CNIH3: variants seen among roughly 807,000 people sequenced by gnomAD.
CNIH3 encodes protein cornichon homolog 3.
Under a neutral mutation model 24.1 loss-of-function variants are expected in CNIH3, and 14 were observed. The observed-to-expected ratio is 0.58, with a 90% CI of 0.38 to 0.91. The LOEUF (loss-of-function observed/expected upper bound fraction) is 0.91, where lower values mean the gene tolerates loss of function less well. Among genes scored for constraint, CNIH3 ranks in the 40% least tolerant of loss-of-function variants. The pLI, the probability that CNIH3 is intolerant of heterozygous loss-of-function variation, is 0.00. For missense variants in CNIH3, 178 were observed against 196.8 expected (o/e 0.90, Z 0.57); for synonymous variants, 68 against 73.8 (o/e 0.92, Z 0.40).
chr1:224,597,698 A>G (rs74149603), intron 3 of CNIH3, among the ~76,000 whole-genome samples: 3,960 of 152,232 alleles, frequency 0.026, 176 homozygotes, highest in African/African-American at 0.09. Flanking sequence ...GCATCTCTTC[A>G]TCTGTATCAT....
At chr1:224,712,105 T>G (rs6679541) in intron 3 of CNIH3, among the ~76,000 whole-genome samples, 1 of 152,158 alleles carries the variant, frequency 6.6e-6, no homozygotes, top group East Asian at 1.9e-4. Flanking sequence ...ATATCTTCCC[T>G]GGATGATAAA....
At chr1:224,627,452 C>A (rs1341418489) in intron 1 of CNIH3, among the ~76,000 whole-genome samples, 2 of 152,202 alleles carry the variant, frequency 1.3e-5, no homozygotes, top group Non-Finnish European at 2.9e-5. Flanking sequence ...TCTCGAACTT[C>A]TGACCTTGTG....
intron 5 of CNIH3, among the ~76,000 whole-genome samples, chr1:224,735,899 C>T (rs1185117030): frequency 6.6e-6 from 1 of 151,898 alleles, no homozygotes; most frequent in Non-Finnish European, 1.5e-5. Context: ...CTCTTGGGCC[C>T]AAGTGACCCT....
intron 1 of CNIH3, among the ~76,000 whole-genome samples, chr1:224,665,796 C>T (rs1685572697): frequency 6.8e-6 from 1 of 146,146 alleles, no homozygotes. Context: ...TTTCCCAGCA[C>T]CATGGAATGA....
chr1:224,582,513 G>A (rs762256518), intron 4 of CNIH3, among the ~76,000 whole-genome samples: 7 of 152,124 alleles, frequency 4.6e-5, no homozygotes, highest in Non-Finnish European at 1.0e-4. Context: ...GGTAGCCTGT[G>A]TGCAATACAC....
intron 1 of CNIH3, among the ~76,000 whole-genome samples, chr1:224,659,503 T>TGAGCCA (rs1685243474): frequency 6.6e-6 from 1 of 151,872 alleles, no homozygotes; most frequent in East Asian, 1.9e-4. Context: ...CTCATTTAGA[T>TGAGCCA]AACCTGAAAG....
intron 1 of CNIH3, among the ~76,000 whole-genome samples, chr1:224,501,525 A>ATTT (rs199941125): frequency 3.2e-5 from 3 of 92,810 alleles, no homozygotes; most frequent in African/African-American, 1.1e-4. Flanking sequence ...ATATATATAT[A>ATTT]TTTTTTTTTT....
intron 1 of CNIH3, among the ~76,000 whole-genome samples, chr1:224,669,784 A>C (rs1459325998): frequency 7.2e-5 from 11 of 152,192 alleles, no homozygotes; most frequent in African/African-American, 2.7e-4. Context: ...AGGAACCACT[A>C]CTGTCTCCTC....
At chr1:224,654,876 G>A (rs904364974) in intron 1 of CNIH3, among the ~76,000 whole-genome samples, 3 of 152,142 alleles carry the variant, frequency 2.0e-5, no homozygotes, top group African/African-American at 4.8e-5. Flanking sequence ...TTGATCGGCC[G>A]TCCCTTTACA....
At chr1:224,663,455 C>T (rs141304200) in intron 1 of CNIH3, among the ~76,000 whole-genome samples, 155 of 152,306 alleles carry the variant, frequency 1.0e-3, no homozygotes, top group African/African-American at 3.4e-3. Context: ...GTGCTTTCCT[C>T]TCTTGGTTGG....
At chr1:224,716,292 G>C (rs1469572563) in intron 3 of CNIH3, among the ~76,000 whole-genome samples, 2 of 152,120 alleles carry the variant, frequency 1.3e-5, no homozygotes, top group Non-Finnish European at 2.9e-5. Flanking sequence ...CTCACCATAT[G>C]TTTCTTCATG....
intron 1 of CNIH3, among the ~76,000 whole-genome samples, chr1:224,624,976 G>A (rs780330029): frequency 2.0e-5 from 3 of 152,212 alleles, no homozygotes; most frequent in Non-Finnish European, 2.9e-5. Flanking sequence ...TCTCCCTGGC[G>A]ATCTGAGTCC....
chr1:224,526,293 G>A (rs1678843534), intron 2 of CNIH3, among the ~76,000 whole-genome samples: 1 of 152,188 alleles, frequency 6.6e-6, no homozygotes, highest in Non-Finnish European at 1.5e-5. Context: ...ATCGTATTAA[G>A]AAGTTAGGTC....
rs187962963 is a variant in CNIH3, at chr1:224,713,155, A to G, written c.199-17307A>G. Among the ~76,000 whole-genome samples the G allele has an allele frequency of 7.2e-5, 11 of 152,342 alleles. No homozygotes were observed. In the East Asian group the frequency reaches 2.1e-3, roughly 29 times the overall value. On this transcript the variant is annotated intron_variant, in intron 3 of 5. Transcript: ENST00000272133. ...ATCTTCAGCAGCTGGTCAACCAGGT[A>G]TCAAACACACACTGCCCAGGAGACC...
chr1:224,642,381 C>A (rs1424819274), intron 1 of CNIH3, among the ~76,000 whole-genome samples: 1 of 152,152 alleles, frequency 6.6e-6, no homozygotes, highest in Non-Finnish European at 1.5e-5. Flanking sequence ...AGGCATATGC[C>A]ACCATATCTA....
At chr1:224,440,483 C>T (rs568001148) in intron 1 of CNIH3, among the ~76,000 whole-genome samples, 46 of 152,278 alleles carry the variant, frequency 3.0e-4, no homozygotes, top group African/African-American at 1.1e-3. Flanking sequence ...CCTTTTCCTC[C>T]CAAAGTTCTG....
At chr1:224,649,149 G>A (rs1484013231) in intron 1 of CNIH3, among the ~76,000 whole-genome samples, 1 of 152,194 alleles carries the variant, frequency 6.6e-6, no homozygotes, top group African/African-American at 2.4e-5. Flanking sequence ...GCCATATAAG[G>A]TGATTAAGTC....
chr1:224,642,213 A>G (rs1324638821), intron 1 of CNIH3, among the ~76,000 whole-genome samples: 1 of 152,104 alleles, frequency 6.6e-6, no homozygotes, highest in Non-Finnish European at 1.5e-5. Flanking sequence ...TAATTTTCCC[A>G]GTGTTCTATT....
chr1:224,577,985 C>G (rs139692275), intron 4 of CNIH3, among the ~76,000 whole-genome samples: 430 of 151,394 alleles, frequency 2.8e-3, no homozygotes, highest in African/African-American at 1.0e-2. Context: ...ACCAAACATC[C>G]TATGTTCTCA....
Sources: allele counts gnomAD v4.1 joint callset (sites outside exome capture counted in the v4.1 genomes callset), GRCh38; gene constraint gnomAD v4.1.1; transcripts MANE v1.5; gene names NCBI Gene and HGNC (gene_info 2026-07-23, HGNC 2026-07-21).